BIRC6: variants seen among roughly 807,000 people sequenced by gnomAD.
BIRC6 encodes baculoviral IAP repeat containing 6.
Under a neutral mutation model 503.3 loss-of-function variants are expected in BIRC6, and 98 were observed. That is an observed-to-expected ratio of 0.19 (90% CI 0.17 to 0.23). BIRC6 has a LOEUF of 0.23. BIRC6 is among the 10% of genes least tolerant of loss of function. BIRC6 has a pLI of 1.00. For missense variants in BIRC6, 5,360 were observed against 5,806.0 expected (o/e 0.92, Z 2.50); for synonymous variants, 2,240 against 2,078.7 (o/e 1.08, Z -2.11).
At chr2:32,580,767 A>G (rs1339339296) in intron 66 of BIRC6, among the ~76,000 whole-genome samples, 1 of 152,100 alleles carries the variant, frequency 6.6e-6, no homozygotes, top group African/African-American at 2.4e-5. Flanking sequence ...TCCCTGTCCT[A>G]CTGTTTTGGG....
Position 32,440,403 on chromosome 2 carries a change from A to T in BIRC6, c.3810+717A>T, listed in dbSNP as rs145636166. 2.9e-4 allele frequency among the ~76,000 whole-genome samples: 44 copies of T among 152,316 alleles called. No individual in the cohort carries two copies. In the East Asian group the frequency reaches 7.1e-3, roughly 25 times the overall value. On this transcript the variant is annotated intron_variant, in intron 16 of 73. Coordinates refer to ENST00000421745, the MANE Select transcript of BIRC6 (RefSeq NM_016252.4). The stretch of plus-strand genomic sequence containing the variant: ...GGGGCGTAATTTTAAGACAGGTTCT[A>T]ATCCTCATGGTTGATTTTCTGAAAG...
Position 32,482,601 on chromosome 2 carries a change from T to G in BIRC6, c.7696+19T>G, listed in dbSNP as rs757535764. ...TCTCAGGGTAAGTGTATGTTTATAT[T>G]TTAAGACATATGCTATTCTTAAAAC... On this transcript the variant is annotated intron_variant, in intron 39 of 73. Transcript: ENST00000421745. 6.2e-7 allele frequency: 1 copy of G among 1,612,704 alleles called. No homozygotes were observed. The highest frequency in any genetic ancestry group is 8.5e-7 in the Non-Finnish European group (1 of 1,178,952).
chr2:32,594,991 C>A, intron 67 of BIRC6, 43 bp from the exon 68 acceptor site: 2 of 1,191,814 alleles, frequency 1.7e-6, no homozygotes, highest in Non-Finnish European at 1.2e-6. Context: ...AAAATATATA[C>A]TTAAAATGTA....
intron 51 of BIRC6, 97 bp downstream of exon 51, chr2:32,508,356 A>G (rs1463732159): frequency 4.6e-6 from 6 of 1,297,688 alleles, no homozygotes; most frequent in South Asian, 1.6e-5. Flanking sequence ...TTTCTTTTTT[A>G]GGTCTTAGGA....
chr2:32,425,203 G>A (rs908563921), intron 10 of BIRC6, among the ~76,000 whole-genome samples: 1 of 151,400 alleles, frequency 6.6e-6, no homozygotes, highest in African/African-American at 2.4e-5. Context: ...TCTGTGGGTT[G>A]TCTTTTTACT....
rs201321733 is a variant in BIRC6, at chr2:32,431,086, G to A, written c.3244G>A (p.Asp1082Asn). ...QHTRTWKLQT[D>N]SNSWDEHVFE... ...TACTCGAACTTGGAAACTACAGACC[G>A]ACAGGTAAAAGATATTCCCAAGATA... The change falls in exon 12 of 74, where the codon GAC (aspartate) becomes AAC (asparagine). Residue 1082 changes from aspartate (D) to asparagine (N), a missense_variant. Physicochemically the swap from Asp to Asn is conservative, Grantham distance 23. Transcript: ENST00000421745. 110 of 1,589,270 alleles carry A rather than the reference G, an allele frequency of 6.9e-5. No homozygotes were observed. The highest frequency in any genetic ancestry group is 5.3e-4 in the East Asian group (23 of 43,454).
chr2:32,558,441 A>C (rs2058935681), intron 65 of BIRC6, among the ~76,000 whole-genome samples: 1 of 152,154 alleles, frequency 6.6e-6, no homozygotes, highest in Non-Finnish European at 1.5e-5. Flanking sequence ...TTTTCCTTTG[A>C]AGATTAGAGG....
chr2:32,382,968 C>T (rs957480491), intron 3 of BIRC6, among the ~76,000 whole-genome samples: 1 of 152,056 alleles, frequency 6.6e-6, no homozygotes, highest in Non-Finnish European at 1.5e-5. Context: ...ATGATCCACC[C>T]ACCTTGGCCT....
At chr2:32,589,832 TA>T (rs1395544443) in intron 66 of BIRC6, among the ~76,000 whole-genome samples, 4 of 152,344 alleles carry the variant, frequency 2.6e-5, no homozygotes, top group African/African-American at 9.6e-5. Flanking sequence ...TAATTTGGCC[TA>T]AAAATTAGTA....
At chr2:32,470,339 AT>A in intron 31 of BIRC6, 38 bp downstream of exon 31, 1 of 1,459,302 alleles carries the variant, frequency 6.9e-7, no homozygotes, top group Non-Finnish European at 9.2e-7. Context: ...TAAAAACAAT[AT>A]TCCTGCAAAT....
intron 3 of BIRC6, among the ~76,000 whole-genome samples, chr2:32,386,445 T>TC (rs1331815010): frequency 1.4e-5 from 2 of 140,462 alleles, no homozygotes; most frequent in Non-Finnish European, 3.2e-5. Flanking sequence ...TCTCTCTCTC[T>TC]TTTTTTTTTT....
rs1025475983 is a variant in BIRC6 at position 32,531,385 on chromosome 2, A to C, written c.12125A>C (p.Glu4042Ala). ...GGAGACTTACTTGCTAGCTGTCCAG[A>C]AGATGAGGCTCTCACTCCAGGTGAT... ...DHGDLLASCP[E>A]DEALTPGDEC... Residue 4042 changes from glutamate (E) to alanine (A), a missense_variant, in exon 61 of 74, where the codon GAA becomes GCA. Transcript: ENST00000421745. 2 of 1,613,392 alleles carry C rather than the reference A, an allele frequency of 1.2e-6. No individual in the cohort carries two copies. Among genetic ancestry groups the C allele is most frequent in the African/African-American group, 2.7e-5 (2 of 74,902 alleles).
intron 21 of BIRC6, among the ~76,000 whole-genome samples, chr2:32,447,706 A>C (rs1403357062): frequency 1.6e-4 from 8 of 49,438 alleles, no homozygotes; most frequent in African/African-American, 2.6e-4. Flanking sequence ...CGGGGGGCTG[A>C]CCCCCCCCAC....
chr2:32,456,951 G>T (rs2047325852), intron 23 of BIRC6, among the ~76,000 whole-genome samples: 1 of 152,062 alleles, frequency 6.6e-6, no homozygotes, highest in Non-Finnish European at 1.5e-5. Flanking sequence ...TATTTTTTGA[G>T]ATGGGGTCTT....
chr2:32,384,308 G>A (rs2038126290), intron 3 of BIRC6, among the ~76,000 whole-genome samples: 1 of 152,020 alleles, frequency 6.6e-6, no homozygotes, highest in South Asian at 2.1e-4. Context: ...TGAGTCTTTA[G>A]TAGGCCATTG....
At chr2:32,566,161 T>C (rs1287108424) in intron 65 of BIRC6, 6 of 152,232 alleles carry the variant, frequency 3.9e-5, no homozygotes, top group African/African-American at 1.4e-4. Flanking sequence ...AATGACATTA[T>C]AGTACTTGCG....
chr2:32,377,879 A>G (rs2037039925), intron 2 of BIRC6, 110 bp downstream of exon 2: 43 of 907,486 alleles, frequency 4.7e-5, no homozygotes, highest in Non-Finnish European at 6.1e-5. Context: ...ATATATTGCT[A>G]TAAAAACAAT....
chr2:32,361,173 G>C (rs1255211287), intron 1 of BIRC6, among the ~76,000 whole-genome samples: 1 of 152,068 alleles, frequency 6.6e-6, no homozygotes, highest in African/African-American at 2.4e-5. Flanking sequence ...GACCTCAAGT[G>C]ATCTGCCCAC....
At chr2:32,500,674 C>T (rs573444720) in intron 46 of BIRC6, among the ~76,000 whole-genome samples, 12 of 138,474 alleles carry the variant, frequency 8.7e-5, no homozygotes, top group South Asian at 7.2e-4. Context: ...GGTGTGATCT[C>T]GGTTCATTGC....
Sources: allele counts gnomAD v4.1 joint callset (sites outside exome capture counted in the v4.1 genomes callset), GRCh38; gene constraint gnomAD v4.1.1; transcripts MANE v1.5; gene names NCBI Gene and HGNC (gene_info 2026-07-23, HGNC 2026-07-21).